The following FOXP2 variants were observed in gnomAD, a reference collection of about 807,000 sequenced individuals.
FOXP2 encodes forkhead box P2.
Under a neutral mutation model 115.8 loss-of-function variants are expected in FOXP2, and 12 were observed. The observed-to-expected ratio is 0.10, with a 90% CI of 0.07 to 0.17. FOXP2 has a LOEUF of 0.17. FOXP2 is among the 10% of genes least tolerant of loss of function. The probability of loss-of-function intolerance (pLI) is 1.00; values close to 1 mark genes in which losing one functional copy is unlikely to be tolerated. For synonymous variants in FOXP2, 328 were observed against 297.7 expected (o/e 1.10, Z -1.05); for missense variants, 629 against 843.5 (o/e 0.75, Z 3.15).
chr7:114,490,381 T>G (rs1380490404), intron 2 of FOXP2, among the ~76,000 whole-genome samples: 1 of 152,098 alleles, frequency 6.6e-6, no homozygotes, highest in African/African-American at 2.4e-5. Flanking sequence ...TATGGAGATG[T>G]AAAAAGATCA....
intron 1 of FOXP2, among the ~76,000 whole-genome samples, chr7:114,247,526 G>T (rs1795317184): frequency 6.6e-6 from 1 of 151,768 alleles, no homozygotes. Flanking sequence ...TACTCCTTTA[G>T]TGAATCACAA....
At chr7:114,568,344 G>A (rs1203165583) in intron 3 of FOXP2, among the ~76,000 whole-genome samples, 8 of 150,810 alleles carry the variant, frequency 5.3e-5, no homozygotes, top group Non-Finnish European at 1.0e-4. Flanking sequence ...TTAGGGAATC[G>A]AAAAATAATG....
At chr7:114,251,126 T>C (rs1343473637) in intron 1 of FOXP2, among the ~76,000 whole-genome samples, 1 of 152,224 alleles carries the variant, frequency 6.6e-6, no homozygotes, top group Non-Finnish European at 1.5e-5. Context: ...GTATTATTTC[T>C]GAGGGCTCTG....
chr7:114,144,065 C>G (rs893434973), intron 1 of FOXP2, among the ~76,000 whole-genome samples: 3 of 152,084 alleles, frequency 2.0e-5, no homozygotes, highest in Non-Finnish European at 4.4e-5. Context: ...TATTATAAAA[C>G]AGACTCAGGG....
chr7:114,131,078 G>T (rs56190401), intron 1 of FOXP2, among the ~76,000 whole-genome samples: 22 of 152,294 alleles, frequency 1.4e-4, no homozygotes, highest in Middle Eastern at 3.4e-3. Context: ...TCTCTTGTAA[G>T]AATGGAATTT....
rs1363004056 is a variant in FOXP2 at position 114,691,073 on chromosome 7, A to G, written c.*1147A>G. The G allele has an allele frequency of 4.4e-6, 2 of 454,124 alleles. No homozygotes were observed. Among genetic ancestry groups the G allele is most frequent in the Non-Finnish European group, 8.8e-6 (2 of 226,772 alleles). 28.1% of individuals were successfully genotyped at this position (454,124 alleles called of 1,614,324 possible). On this transcript the variant is annotated 3_prime_UTR_variant, in exon 17 of 17. Coordinates refer to ENST00000350908, the MANE Select transcript of FOXP2 (RefSeq NM_014491.4). ...GTTATGATATGCTAGAAAGCAACAA[A>G]TGTGGATCACTGACCAAAACGATTA...
intron 1 of FOXP2, among the ~76,000 whole-genome samples, chr7:114,424,904 A>G (rs912295849): frequency 6.6e-6 from 1 of 151,326 alleles, no homozygotes; most frequent in Non-Finnish European, 1.5e-5. Flanking sequence ...TTTTTTACTA[A>G]ATCAGTATGT....
intron 2 of FOXP2, among the ~76,000 whole-genome samples, chr7:114,323,436 T>C (rs1797478317): frequency 1.3e-5 from 2 of 152,090 alleles, no homozygotes; most frequent in African/African-American, 2.4e-5. Flanking sequence ...ATTTTAAATA[T>C]AAGAGAGAGG....
chr7:114,089,049 C>T (rs1178941272), intron 1 of FOXP2, among the ~76,000 whole-genome samples: 1 of 151,934 alleles, frequency 6.6e-6, no homozygotes, highest in African/African-American at 2.4e-5. Flanking sequence ...TTTTAAAGGC[C>T]CCTTTTCTCT....
chr7:114,380,778 A>G (rs186295632), intron 2 of FOXP2, among the ~76,000 whole-genome samples: 20 of 152,312 alleles, frequency 1.3e-4, no homozygotes, highest in Middle Eastern at 3.4e-3. Context: ...TATTATTTTA[A>G]CTGCTTCAGA....
At chr7:114,265,750 G>A (rs1562844370) in intron 1 of FOXP2, among the ~76,000 whole-genome samples, 1 of 152,042 alleles carries the variant, frequency 6.6e-6, no homozygotes, top group African/African-American at 2.4e-5. Context: ...AAATGTAGGT[G>A]GAGGCTGCCA....
chr7:114,512,921 A>T (rs1798146379), intron 2 of FOXP2, among the ~76,000 whole-genome samples: 6 of 152,094 alleles, frequency 3.9e-5, no homozygotes, highest in Admixed American at 3.9e-4. Context: ...GTTTCTACCA[A>T]AAATACAAAA....
chr7:114,206,855 C>G (rs930831453), intron 1 of FOXP2, among the ~76,000 whole-genome samples: 27 of 152,242 alleles, frequency 1.8e-4, no homozygotes, highest in African/African-American at 6.0e-4. Flanking sequence ...GTGTATGACT[C>G]AGTGTTATTT....
chr7:114,468,408 A>G (rs1795902687), intron 2 of FOXP2, among the ~76,000 whole-genome samples: 1 of 152,048 alleles, frequency 6.6e-6, no homozygotes, highest in African/African-American at 2.4e-5. Flanking sequence ...ATTGTTTATT[A>G]TTACCTTCAG....
rs548495123 is a variant in FOXP2, at chr7:114,374,222, G to T, written c.-10-52280G>T. Among the ~76,000 whole-genome samples the T allele has an allele frequency of 5.3e-5, 8 of 152,208 alleles. No individual in the cohort carries two copies. In the East Asian group the frequency reaches 1.5e-3, roughly 29 times the overall value. On this transcript the variant is annotated intron_variant, in intron 2 of 17. Coordinates refer to the FOXP2 transcript ENST00000634411. ...AACAATTTCTGTATCTTAGGTGATGGTTTATTCAAGCTTCATATGTCACAG... is the reference window on the plus strand; with the variant it reads ...AACAATTTCTGTATCTTAGGTGATGTTTTATTCAAGCTTCATATGTCACAG...
Position 114,314,516 on chromosome 7 carries a change from G to GA in FOXP2, c.-11+26412dup, listed in dbSNP as rs527783537. On this transcript the variant is annotated intron_variant, in intron 2 of 17. Coordinates refer to the FOXP2 transcript ENST00000634411. ...CAATTTTCACATAGTTCAATTGGAT[G>GA]AAAAAGCCTATGATATTGTATTAAT... Among the ~76,000 whole-genome samples the GA allele has an allele frequency of 2.1e-3, 326 of 152,144 alleles. 1 individual carries two copies. The highest frequency in any genetic ancestry group is 7.6e-3 in the African/African-American group (314 of 41,528).
intron 2 of FOXP2, among the ~76,000 whole-genome samples, chr7:114,500,926 A>T (rs995403878): frequency 2.3e-4 from 35 of 152,182 alleles, no homozygotes; most frequent in African/African-American, 8.0e-4. Context: ...TATCACATTT[A>T]TCAGTTTTTT....
intron 1 of FOXP2, among the ~76,000 whole-genome samples, chr7:114,224,726 C>T (rs1794707136): frequency 1.3e-5 from 2 of 152,002 alleles, no homozygotes; most frequent in South Asian, 4.1e-4. Flanking sequence ...CATATGTTGC[C>T]TGAGTTGGCC....
chr7:114,392,760 A>G (rs1036021918), intron 2 of FOXP2, among the ~76,000 whole-genome samples: 5 of 152,196 alleles, frequency 3.3e-5, no homozygotes, highest in Non-Finnish European at 5.9e-5. Flanking sequence ...CTGAATTTGT[A>G]TCCTAGTATT....
Sources: allele counts gnomAD v4.1 joint callset (sites outside exome capture counted in the v4.1 genomes callset), GRCh38; gene constraint gnomAD v4.1.1; transcripts MANE v1.5; gene names NCBI Gene and HGNC (gene_info 2026-07-23, HGNC 2026-07-21).